The following DUS3L variants were observed in gnomAD, a reference collection of about 807,000 sequenced individuals.
The protein encoded by DUS3L is tRNA-dihydrouridine(47) synthase [NAD(P)(+)]-like.
In DUS3L, 62 loss-of-function variants were observed where a neutral mutation model predicts 74.6. That is an observed-to-expected ratio of 0.83 (90% CI 0.68 to 1.03). The LOEUF is 1.03. Among genes scored for constraint, DUS3L ranks in the 50% least tolerant of loss-of-function variants. The probability of loss-of-function intolerance (pLI) is 0.00; values close to 1 mark genes in which losing one functional copy is unlikely to be tolerated. For synonymous variants in DUS3L, 433 were observed against 395.7 expected, an observed-to-expected ratio of 1.09 and a Z score of -1.12; for missense variants, 884 against 924.4, an observed-to-expected ratio of 0.96 and a Z score of 0.57.
In DUS3L at chr19:5,787,126, C is replaced by T. The variant is rs376836451; in HGVS notation, c.1324G>A (p.Glu442Lys). ...LTVKIRTGVQ[E>K]RVNLAHRLLP... The stretch of plus-strand genomic sequence containing the variant: ...AGGCGGTGCGCCAGGTTCACACGCT[C>T]CTGGACGCCTGTGCGGATCTTCACA... Residue 442 changes from glutamate (E) to lysine (K), a missense_variant, in exon 8 of 13, where the codon GAG becomes AAG. Glu to Lys is a moderately conservative substitution (Grantham distance 56). Transcript: ENST00000309061. 281 of 974,350 alleles carry T rather than the reference C, an allele frequency of 2.9e-4. No individual in the cohort carries two copies. Among genetic ancestry groups the T allele is most frequent in the Non-Finnish European group, 3.2e-4 (266 of 833,996 alleles). 60.4% of individuals were successfully genotyped at this position (974,350 alleles called of 1,614,324 possible). A position where few individuals can be genotyped will look rare whatever the true frequency, so the allele number is the denominator to read the frequency against.
chr19:5,786,957 G>A (rs1305045092), intron 8 of DUS3L, 104 bp downstream of exon 8: 5 of 1,486,890 alleles, frequency 3.4e-6, no homozygotes, highest in Non-Finnish European at 4.5e-6. Context: ...GGAGACAGAG[G>A]GAGGTGTGGA....
In DUS3L at chr19:5,786,793, T is replaced by C. The variant is rs1568385782; in HGVS notation, c.1442A>G (p.Tyr481Cys). The C allele has an allele frequency of 6.2e-7, 1 of 1,612,238 alleles. No homozygotes were observed. Among genetic ancestry groups the C allele is most frequent in the Non-Finnish European group, 8.5e-7 (1 of 1,179,828 alleles). ...GGCGGCCTGCACGCACTCCTCGATG[T>C]ACTGCCAGTCGGCTAGCTTGGTGTA... ...QRYTKLADWQ[Y>C]IEECVQAASP... Residue 481 changes from tyrosine (Y) to cysteine (C), a missense_variant, in exon 9 of 13, where the codon TAC (tyrosine) becomes TGC (cysteine). Coordinates refer to ENST00000309061, the MANE Select transcript of DUS3L (RefSeq NM_020175.3).
chr19:5,787,196 T>TGGGAGACGGC (rs1254720739), intron 7 of DUS3L, 25 bp from the exon 8 acceptor site: 6 of 1,278,528 alleles, frequency 4.7e-6, no homozygotes, highest in Middle Eastern at 2.0e-4. Context: ...TGGGAGGTGG[T>TGGGAGACGGC]GGGAGATGGT....
intron 3 of DUS3L, among the ~76,000 whole-genome samples, chr19:5,788,682 T>A (rs1394381642): frequency 6.6e-6 from 1 of 150,456 alleles, no homozygotes; most frequent in Non-Finnish European, 1.5e-5. Context: ...CCTGACCCTC[T>A]GAGACTTAGA....
chr19:5,787,510 C>T, intron 6 of DUS3L, 79 bp downstream of exon 6: 1 of 1,556,242 alleles, frequency 6.4e-7, no homozygotes, highest in Admixed American at 1.7e-5. Context: ...ACCCCTGACC[C>T]TCCACCGAGA....
At chr19:5,789,919 G>A (rs1186252140) in intron 2 of DUS3L, 128 bp downstream of exon 2, 5 of 1,366,806 alleles carry the variant, frequency 3.7e-6, no homozygotes, top group Non-Finnish European at 5.0e-6. Context: ...AATGAAGACG[G>A]AATGGCATCA....
Position 5,787,124 on chromosome 19 carries a change from C to A in DUS3L, c.1326G>T (p.Glu442Asp). ...GCAGGCGGTGCGCCAGGTTCACACG[C>A]TCCTGGACGCCTGTGCGGATCTTCA... ...LTVKIRTGVQ[E>D]RVNLAHRLLP... is the part of the protein sequence containing the mutation. Residue 442 changes from glutamate to aspartate, a missense_variant, in exon 8 of 13, where the codon GAG becomes GAT. By Grantham distance (45) the Glu-to-Asp change is conservative. Transcript: ENST00000309061. 1 of 974,886 alleles carries A rather than the reference C, an allele frequency of 1.0e-6. No homozygotes were observed. Among genetic ancestry groups the A allele is most frequent in the Non-Finnish European group, 1.2e-6 (1 of 833,914 alleles). 60.4% of individuals were successfully genotyped at this position (974,886 alleles called of 1,614,324 possible). A position where few individuals can be genotyped will look rare whatever the true frequency, so the allele number is the denominator to read the frequency against.
chr19:5,790,355 G>A lies in DUS3L; in HGVS notation c.99-20C>T, dbSNP rs530420508. On this transcript the variant is annotated intron_variant, in intron 1 of 12. Transcript: ENST00000309061. ...AGGTATCTGCCGACAGAAAGGGAAA[G>A]GAAAACCCTCCGAACATAGTCAATA... The A allele has an allele frequency of 4.3e-6, 7 of 1,613,544 alleles. No individual in the cohort carries two copies. In the Admixed American group the frequency reaches 5.0e-5, roughly 12 times the overall value.
chr19:5,789,065 A>C, intron 3 of DUS3L, 142 bp downstream of exon 3: 1 of 1,253,470 alleles, frequency 8.0e-7, no homozygotes. Context: ...GAGCACAGAG[A>C]GGGAGACTCA....
rs752011259 is a variant in DUS3L at position 5,789,595 on chromosome 19, C to T, written c.512G>A (p.Cys171Tyr). The T allele has an allele frequency of 1.3e-6, 2 of 1,586,584 alleles. No homozygotes were observed. Among genetic ancestry groups the T allele is most frequent in the Non-Finnish European group, 1.7e-6 (2 of 1,169,224 alleles). ...RCVLFETFGR[C>Y]PYGVTCRFAG... is the part of the protein sequence containing the mutation. The stretch of plus-strand genomic sequence containing the variant: ...GAAGCGGCAGGTCACGCCGTAGGGG[C>T]ACCGGCCGAAGGTCTCGAAGAGCAC... The change falls in exon 3 of 13, where the codon TGC becomes TAC. Residue 171 changes from cysteine to tyrosine, a missense_variant. Cys to Tyr is a radical substitution (Grantham distance 194, BLOSUM62 -2). Coordinates refer to ENST00000309061, the MANE Select transcript of DUS3L (RefSeq NM_020175.3).
At chr19:5,786,445 T>C (rs1300917778) in intron 10 of DUS3L, 22 bp downstream of exon 10, 4 of 1,610,798 alleles carry the variant, frequency 2.5e-6, no homozygotes, top group Non-Finnish European at 3.4e-6. Flanking sequence ...AAGCTGGATC[T>C]CTAACATCCC....
At position 5,790,214 on chromosome 19, in the gene DUS3L, G is replaced by A. The variant is rs140036183; in HGVS notation, c.220C>T (p.Arg74Trp). The change falls in exon 2 of 13, where the codon CGG becomes TGG. Residue 74 changes from arginine (R) to tryptophan (W), a missense_variant. Transcript: ENST00000309061. ...GTCTGTCCATCCTCCAGTCGGATCC[G>A]CTTAGCCTCAGGCTCAGCCAGCTCA... ...GNELAEPEAK[R>W]IRLEDGQTAD... 3.1e-6 allele frequency: 5 copies of A among 1,614,018 alleles called. No homozygotes were observed. The highest frequency in any genetic ancestry group is 2.5e-6 in the Non-Finnish European group (3 of 1,180,038).
At chr19:5,786,339 A>G (rs1395158275) in intron 10 of DUS3L, 128 bp downstream of exon 10, 5 of 861,038 alleles carry the variant, frequency 5.8e-6, no homozygotes, top group African/African-American at 1.7e-5. Flanking sequence ...AACTCCTGAC[A>G]TCGCTCTCTG....
chr19:5,785,299 G>A (rs1018214605), intron 12 of DUS3L, 24 bp from the exon 13 acceptor site: 32 of 1,610,092 alleles, frequency 2.0e-5, no homozygotes, highest in East Asian at 4.5e-5. Flanking sequence ...GGTGGAAAGC[G>A]AGGTCAGGCC....
Position 5,786,480 on chromosome 19 carries a change from T to C in DUS3L, c.1549A>G (p.Ile517Val). Reference protein sequence around the residue: ...NRAMQTGVTGIMIARGALLKP... With the variant: ...NRAMQTGVTGVMIARGALLKP... Reference sequence around the variant, plus strand: ...CTGGGCACTTACCGGGCAATCATGATCCCGGTGACACCAGTCTGCATGGCG... The same window carrying C: ...CTGGGCACTTACCGGGCAATCATGACCCCGGTGACACCAGTCTGCATGGCG... Residue 517 changes from isoleucine (I) to valine (V), a missense_variant, in exon 10 of 13, where the codon ATC (isoleucine) becomes GTC (valine). Ile to Val is a conservative substitution (Grantham distance 29). Coordinates refer to ENST00000309061, the MANE Select transcript of DUS3L (RefSeq NM_020175.3). 1 of 1,612,902 alleles carries C rather than the reference T, an allele frequency of 6.2e-7. No homozygotes were observed.
At chr19:5,787,899 A>G (rs1482147062) in intron 5 of DUS3L, 125 bp downstream of exon 5, 4 of 1,469,852 alleles carry the variant, frequency 2.7e-6, no homozygotes, top group Non-Finnish European at 3.7e-6. Flanking sequence ...GGATCAGGGC[A>G]TCACCCCCAC....
chr19:5,786,956 G>A (rs1318820516), intron 8 of DUS3L, 105 bp downstream of exon 8: 10 of 1,490,426 alleles, frequency 6.7e-6, no homozygotes, highest in African/African-American at 1.4e-5. Context: ...CGGAGACAGA[G>A]GGAGGTGTGG....
chr19:5,791,029 GC>G lies in DUS3L; in HGVS notation c.98+14del, dbSNP rs1568389776. ...GAAAAGGCCCTTCAGCTTCCCTCCT[GC>G]CCCGGCGACTCACTGACGCTTAATG... On this transcript the variant is annotated intron_variant, in intron 1 of 12. Coordinates refer to ENST00000309061, the MANE Select transcript of DUS3L (RefSeq NM_020175.3). The G allele has an allele frequency of 3.8e-6, 6 of 1,585,492 alleles. No individual in the cohort carries two copies. The highest frequency in any genetic ancestry group is 5.1e-6 in the Non-Finnish European group (6 of 1,165,918).
Position 5,789,366 on chromosome 19 carries a change from C to T in DUS3L, c.741G>A (p.Glu247=). ...TGGGAGCGCCCTCGGCTGCCGTGCC[C>T]TCGGGGACAGCGGCAGCGGGTGTGG... ...QGPTPAAAVP[E]GTAAEGAPRQ... is the part of the protein sequence containing the mutation. The change falls in exon 3 of 13, where the codon GAG becomes GAA. Residue 247 remains glutamate (E), a synonymous_variant. Coordinates refer to ENST00000309061, the MANE Select transcript of DUS3L (RefSeq NM_020175.3). 1 of 1,595,470 alleles carries T rather than the reference C, an allele frequency of 6.3e-7. No individual in the cohort carries two copies. Among genetic ancestry groups the T allele is most frequent in the Admixed American group, 1.7e-5 (1 of 57,332 alleles).
Sources: allele counts gnomAD v4.1 joint callset (sites outside exome capture counted in the v4.1 genomes callset), GRCh38; gene constraint gnomAD v4.1.1; transcripts MANE v1.5; gene names NCBI Gene and HGNC (gene_info 2026-07-23, HGNC 2026-07-21).